Variants in SPAG1 observed in about 807,000 individuals in gnomAD.
SPAG1 encodes the protein sperm-associated antigen 1.
A neutral mutation model predicts 100.5 loss-of-function variants in SPAG1; 69 were observed. The ratio of observed to expected loss-of-function variants is 0.69; its 90% CI spans 0.57 to 0.84. SPAG1 has a LOEUF of 0.84. Ranked by LOEUF, SPAG1 falls within the 40% of genes least tolerant of loss-of-function variation. The pLI is 0.00. For missense variants in SPAG1, 955 were observed against 1,133.1 expected, an observed-to-expected ratio of 0.84 and a Z score of 2.26; for synonymous variants, 336 against 411.6, an observed-to-expected ratio of 0.82 and a Z score of 2.22.
rs1816949840 is a variant in SPAG1, at chr8:100,194,549, T to C, written c.1096+281T>C. The C allele has an allele frequency of 1.3e-5, 7 of 526,790 alleles. No individual in the cohort carries two copies. The East Asian group carries it at 1.8e-4, about 14-fold the overall frequency. 32.6% of individuals were successfully genotyped at this position (526,790 alleles called of 1,614,324 possible). On this transcript the variant is annotated intron_variant, in intron 10 of 18. Transcript: ENST00000388798. The stretch of plus-strand genomic sequence containing the variant: ...GCTGTGTTTATTTGACACAGACCAT[T>C]TGCCAGTTAACTTTAAATATCTCTC...
intron 12 of SPAG1, among the ~76,000 whole-genome samples, chr8:100,217,188 G>T (rs1818035891): frequency 6.6e-6 from 1 of 151,916 alleles, no homozygotes; most frequent in Admixed American, 6.6e-5. Flanking sequence ...TGATCCACCT[G>T]GTTTGGCCTC....
chr8:100,191,309 C>G (rs972551461), intron 8 of SPAG1, 81 bp from the exon 9 acceptor site: 1 of 899,464 alleles, frequency 1.1e-6, no homozygotes, highest in Non-Finnish European at 1.8e-6. Context: ...CTGTGCTGCT[C>G]ATATCTTCCA....
chr8:100,224,301 G>A (rs1348840614), intron 13 of SPAG1, among the ~76,000 whole-genome samples: 1 of 152,136 alleles, frequency 6.6e-6, no homozygotes, highest in Non-Finnish European at 1.5e-5. Context: ...TGTAATCTCA[G>A]CACTTTGGTA....
intron 10 of SPAG1, among the ~76,000 whole-genome samples, chr8:100,198,041 G>A (rs1817106644): frequency 6.6e-6 from 1 of 152,172 alleles, no homozygotes; most frequent in African/African-American, 2.4e-5. Context: ...CCATACAGCT[G>A]TAGCTGTCAA....
chr8:100,222,715 G>A (rs1051867110), intron 13 of SPAG1, among the ~76,000 whole-genome samples: 1 of 152,214 alleles, frequency 6.6e-6, no homozygotes, highest in Non-Finnish European at 1.5e-5. Context: ...ATGGGTCTGA[G>A]AGAACATGAT....
chr8:100,204,584 G>C (rs1196878167), intron 10 of SPAG1, among the ~76,000 whole-genome samples: 1 of 152,150 alleles, frequency 6.6e-6, no homozygotes, highest in Non-Finnish European at 1.5e-5. Context: ...GGCCCACTGT[G>C]AGCCAGCTGG....
intron 3 of SPAG1, among the ~76,000 whole-genome samples, chr8:100,169,041 A>T (rs1012090510): frequency 2.6e-5 from 4 of 151,950 alleles, no homozygotes; most frequent in Admixed American, 6.6e-5. Context: ...TTAACTTTTG[A>T]TGAAATCTTT....
intron 4 of SPAG1, 81 bp downstream of exon 4, chr8:100,178,022 G>C: frequency 8.2e-7 from 1 of 1,225,186 alleles, no homozygotes; most frequent in East Asian, 2.3e-5. Context: ...AGTTTAATTG[G>C]AGCAGCCTAT....
chr8:100,170,513 CATTA>C (rs1815767477), intron 3 of SPAG1, among the ~76,000 whole-genome samples: 1 of 152,138 alleles, frequency 6.6e-6, no homozygotes, highest in Non-Finnish European at 1.5e-5. Context: ...ATGCTATACT[CATTA>C]AACAACAACT....
In SPAG1 at chr8:100,240,672, CCTT is replaced by C; in HGVS notation, c.2553_2555del (p.Leu853del). On this transcript the variant is annotated inframe_deletion, in exon 18 of 19. Coordinates refer to ENST00000388798, the MANE Select transcript of SPAG1 (RefSeq NM_003114.5). Reference sequence around the variant, plus strand: ...GTAACAAACTTGAAGGGGATACATTCCTTCTCCTCATTCAGTCTCTGAAAAATA... The same window carrying C: ...GTAACAAACTTGAAGGGGATACATTCCTCCTCATTCAGTCTCTGAAAAATA... 1 of 1,614,052 alleles carries C rather than the reference CCTT, an allele frequency of 6.2e-7. No homozygotes were observed. The highest frequency in any genetic ancestry group is 8.5e-7 in the Non-Finnish European group (1 of 1,179,974).
At chr8:100,189,774 A>C (rs568880308) in intron 8 of SPAG1, among the ~76,000 whole-genome samples, 1 of 152,348 alleles carries the variant, frequency 6.6e-6, no homozygotes, top group East Asian at 1.9e-4. Context: ...CCAAAATAAA[A>C]AGTTTTAAAA....
At chr8:100,213,013 C>CCCGCGGCCTCCGCGGCCCCCGCGGCCT in intron 10 of SPAG1, 77 bp from the exon 11 acceptor site, 2 of 1,051,120 alleles carry the variant, frequency 1.9e-6, no homozygotes, top group Middle Eastern at 3.3e-4. Flanking sequence ...GTCCTGCACC[C>CCCGCGGCCTCCGCGGCCCCCGCGGCCT]CCGCGGCCTC....
chr8:100,159,412 C>A (rs1815209811), intron 1 of SPAG1, among the ~76,000 whole-genome samples: 1 of 152,200 alleles, frequency 6.6e-6, no homozygotes, highest in Admixed American at 6.5e-5. Context: ...ATACCTAAGT[C>A]AAAGCCGGCA....
chr8:100,187,823 A>T (rs1469958641), intron 8 of SPAG1, among the ~76,000 whole-genome samples: 2 of 152,112 alleles, frequency 1.3e-5, no homozygotes, highest in Non-Finnish European at 2.9e-5. Context: ...GGATATTTCC[A>T]CCTAGGTGGC....
intron 16 of SPAG1, among the ~76,000 whole-genome samples, chr8:100,235,636 A>G (rs1465680831): frequency 6.6e-6 from 1 of 152,084 alleles, no homozygotes; most frequent in Admixed American, 6.5e-5. Flanking sequence ...CTGCAGGGAG[A>G]AGAGCAGTCA....
intron 10 of SPAG1, among the ~76,000 whole-genome samples, chr8:100,211,985 T>C (rs1291697655): frequency 6.6e-6 from 1 of 152,244 alleles, no homozygotes; most frequent in Non-Finnish European, 1.5e-5. Context: ...AGAAACCAGA[T>C]TAAAACTGGA....
chr8:100,185,961 T>C (rs1286620804), intron 7 of SPAG1, among the ~76,000 whole-genome samples: 1 of 152,208 alleles, frequency 6.6e-6, no homozygotes, highest in Admixed American at 6.5e-5. Context: ...ACAAAGCTCT[T>C]TTCTTCTTTT....
chr8:100,219,792 C>G (rs185149585), intron 12 of SPAG1, among the ~76,000 whole-genome samples: 51 of 152,232 alleles, frequency 3.4e-4, no homozygotes, highest in African/African-American at 1.2e-3. Context: ...CCTTGATTCC[C>G]CTTTGGTCTG....
rs766088429 is a variant in SPAG1, at chr8:100,233,412, GCTCT to G, written c.1993_1996del (p.Leu665ValfsTer3). ...CTGAGTTCCATTGCATTATGCCAGA[GCTCT>G]CTGTTACTTGAAGCTGTGCCAGTTT... On this transcript the variant is annotated frameshift_variant and splice_region_variant, in exon 16 of 19. Transcript: ENST00000388798. LOFTEE classifies it high-confidence loss of function. 6.2e-6 allele frequency: 10 copies of G among 1,613,908 alleles called. No homozygotes were observed. Among genetic ancestry groups the G allele is most frequent in the East Asian group, 2.2e-5 (1 of 44,870 alleles).
Sources: allele counts gnomAD v4.1 joint callset (sites outside exome capture counted in the v4.1 genomes callset), GRCh38; gene constraint gnomAD v4.1.1; transcripts MANE v1.5; gene names NCBI Gene and HGNC (gene_info 2026-07-23, HGNC 2026-07-21).